Variants in SLC22A23 observed in about 807,000 individuals in gnomAD.
SLC22A23 encodes the protein ion transporter protein.
Under a neutral mutation model 61.0 loss-of-function variants are expected in SLC22A23, and 26 were observed. That is an observed-to-expected ratio of 0.43 (90% CI 0.31 to 0.59). The LOEUF (loss-of-function observed/expected upper bound fraction) is 0.59, where lower values mean the gene tolerates loss of function less well. Among genes scored for constraint, SLC22A23 ranks in the 20% least tolerant of loss-of-function variants. The probability of loss-of-function intolerance (pLI) is 0.11; values close to 1 mark genes in which losing one functional copy is unlikely to be tolerated. For missense variants in SLC22A23, 796 were observed against 934.7 expected, an observed-to-expected ratio of 0.85 and a Z score of 1.94; for synonymous variants, 430 against 413.9, an observed-to-expected ratio of 1.04 and a Z score of -0.47.
At chr6:3,315,001 T>C (rs1474835598) in intron 4 of SLC22A23, among the ~76,000 whole-genome samples, 2 of 152,262 alleles carry the variant, frequency 1.3e-5, no homozygotes, top group Non-Finnish European at 2.9e-5. Flanking sequence ...TTGATGATCA[T>C]GCTGATTGCC....
intron 4 of SLC22A23, among the ~76,000 whole-genome samples, chr6:3,299,997 ACTT>A (rs1761465365): frequency 1.0e-5 from 1 of 98,424 alleles, no homozygotes; most frequent in East Asian, 4.2e-4. Flanking sequence ...CTCAGGATAG[ACTT>A]TTTTTTTTTT....
At chr6:3,405,149 T>C (rs931692040) in intron 3 of SLC22A23, among the ~76,000 whole-genome samples, 1 of 151,840 alleles carries the variant, frequency 6.6e-6, no homozygotes, top group Admixed American at 6.6e-5. Context: ...TAATCCTAGC[T>C]ACTTGGGAGG....
chr6:3,296,570 A>C (rs1156621744), intron 5 of SLC22A23, among the ~76,000 whole-genome samples: 1 of 152,192 alleles, frequency 6.6e-6, no homozygotes, highest in African/African-American at 2.4e-5. Context: ...GTGCCATGTG[A>C]GTGTCATCGT....
rs1439377737 is a variant in SLC22A23, at chr6:3,324,042, C to T, written c.914-40G>A. On this transcript the variant is annotated intron_variant, in intron 3 of 9. Transcript: ENST00000406686. This position sits in a 1 kb window ranked among gnomAD's most constrained non-coding sequence, Gnocchi z 4.3. ...CAATGAGAGAGAGATGAGTGCCCTG[C>T]TCGACAGCCCGAGAAGTCCTGGGTG... 2.5e-6 allele frequency: 4 copies of T among 1,599,858 alleles called. No individual in the cohort carries two copies. The highest frequency in any genetic ancestry group is 1.7e-6 in the Non-Finnish European group (2 of 1,169,654).
intron 1 of SLC22A23, among the ~76,000 whole-genome samples, chr6:3,416,161 G>A (rs1351092631): frequency 6.6e-6 from 1 of 152,270 alleles, no homozygotes; most frequent in Non-Finnish European, 1.5e-5. Context: ...TGAGGCAGAG[G>A]TGGGCAGCCA....
At chr6:3,292,353 C>T (rs1195484630) in intron 5 of SLC22A23, among the ~76,000 whole-genome samples, 2 of 152,146 alleles carry the variant, frequency 1.3e-5, no homozygotes, top group South Asian at 2.1e-4. Context: ...TTTGTCTGTC[C>T]AGGTATCAGA....
chr6:3,379,958 C>T (rs922926563), intron 3 of SLC22A23, among the ~76,000 whole-genome samples: 14 of 150,172 alleles, frequency 9.3e-5, no homozygotes, highest in African/African-American at 3.2e-4. Context: ...AGTGTGGATG[C>T]GTGTGTGTGT....
chr6:3,405,842 T>G (rs914554194), intron 3 of SLC22A23, among the ~76,000 whole-genome samples: 3 of 152,186 alleles, frequency 2.0e-5, no homozygotes, highest in Non-Finnish European at 4.4e-5. Flanking sequence ...AAACTCAAAC[T>G]CTGAGTCTAT....
intron 9 of SLC22A23, among the ~76,000 whole-genome samples, chr6:3,279,138 A>T (rs763679415): frequency 6.6e-5 from 10 of 152,144 alleles, no homozygotes; most frequent in Non-Finnish European, 1.5e-4. Flanking sequence ...TATGCAACAA[A>T]TGTACACATG....
At chr6:3,336,046 G>A (rs989025154) in intron 3 of SLC22A23, among the ~76,000 whole-genome samples, 9 of 151,142 alleles carry the variant, frequency 6.0e-5, no homozygotes, top group East Asian at 2.0e-4. Context: ...CCGAGATGGC[G>A]CCACTGCTCT....
chr6:3,393,900 G>GCCCTTCCCTCCTCTCCCTGCA (rs1767829701), intron 3 of SLC22A23, among the ~76,000 whole-genome samples: 1 of 152,170 alleles, frequency 6.6e-6, no homozygotes, highest in Admixed American at 6.5e-5. Flanking sequence ...TTCTCCCTGT[G>GCCCTTCCCTCCTCTCCCTGCA]CCCTTCCCTC....
In SLC22A23 at chr6:3,455,937, C is replaced by G. The variant is rs977286147; in HGVS notation, c.623G>C (p.Arg208Pro). Residue 208 changes from arginine to proline, a missense_variant, in exon 1 of 10, where the codon CGC (arginine) becomes CCC (proline). Physicochemically the swap from Arg to Pro is moderately radical, Grantham distance 103. Coordinates refer to ENST00000406686, the MANE Select transcript of SLC22A23 (RefSeq NM_015482.2). ...CDCRAWDYGI[R>P]AGLVQNVVSK... ...GACCACGTTCTGGACGAGGCCGGCG[C>G]GGATGCCGTAGTCCCATGCGCGGCA... The G allele has an allele frequency of 6.6e-7, 1 of 1,521,980 alleles. No homozygotes were observed. The highest frequency in any genetic ancestry group is 1.4e-5 in the African/African-American group (1 of 72,612). 94.3% of individuals were successfully genotyped at this position (1,521,980 alleles called of 1,614,324 possible).
intron 6 of SLC22A23, among the ~76,000 whole-genome samples, chr6:3,288,458 T>C (rs575606240): frequency 6.6e-6 from 1 of 152,322 alleles, no homozygotes; most frequent in African/African-American, 2.4e-5. Flanking sequence ...AATGGCTTTA[T>C]AATCCAGCAA....
At chr6:3,381,039 C>T (rs1341227749) in intron 3 of SLC22A23, among the ~76,000 whole-genome samples, 2 of 152,198 alleles carry the variant, frequency 1.3e-5, no homozygotes, top group African/African-American at 4.8e-5. Context: ...TTTGAAACTG[C>T]TTCAGAGATG....
chr6:3,283,719 T>A (rs144638176), intron 9 of SLC22A23, 133 bp downstream of exon 9: 5 of 1,489,840 alleles, frequency 3.4e-6, no homozygotes, highest in Non-Finnish European at 3.6e-6. Context: ...ACCTCAGCTA[T>A]GAACCACGAA....
At chr6:3,417,714 G>A (rs527552637) in intron 1 of SLC22A23, among the ~76,000 whole-genome samples, 50 of 152,356 alleles carry the variant, frequency 3.3e-4, no homozygotes, top group African/African-American at 1.2e-3. Flanking sequence ...GGCCAACACT[G>A]CCCTGCCATT....
intron 3 of SLC22A23, among the ~76,000 whole-genome samples, chr6:3,348,035 C>T (rs1452827878): frequency 1.3e-5 from 2 of 152,236 alleles, no homozygotes; most frequent in Non-Finnish European, 2.9e-5. Context: ...TCTCTTATCT[C>T]ACTGCAGGCT....
chr6:3,274,297 C>T (rs565412401), intron 9 of SLC22A23, among the ~76,000 whole-genome samples: 61 of 152,322 alleles, frequency 4.0e-4, no homozygotes, highest in East Asian at 2.5e-3. Context: ...GGGACCGTGG[C>T]GCTCAGGTGT....
At chr6:3,365,893 A>ACTTGTTAGTTTCTTGTCTGTTCTTC (rs1765777814) in intron 3 of SLC22A23, among the ~76,000 whole-genome samples, 1 of 151,954 alleles carries the variant, frequency 6.6e-6, no homozygotes, top group South Asian at 2.1e-4. Context: ...CTAACCAAAG[A>ACTTGTTAGTTTCTTGTCTGTTCTTC]CTTGTTAGTT....
Sources: allele counts gnomAD v4.1 joint callset (sites outside exome capture counted in the v4.1 genomes callset), GRCh38; gene constraint gnomAD v4.1.1; non-coding constraint Gnocchi (gnomAD v3.1); transcripts MANE v1.5; gene names NCBI Gene and HGNC (gene_info 2026-07-23, HGNC 2026-07-21).